Variants in DAB1 observed in about 807,000 individuals in gnomAD.
The protein encoded by DAB1 is DAB adaptor protein 1.
In DAB1, 15 loss-of-function variants were observed where a neutral mutation model predicts 64.6. That is an observed-to-expected ratio of 0.23 (90% CI 0.16 to 0.36). The LOEUF is 0.36. DAB1 is among the 10% of genes least tolerant of loss of function. DAB1 has a pLI of 1.00. For missense variants in DAB1, 596 were observed against 706.7 expected, an observed-to-expected ratio of 0.84 and a Z score of 1.78; for synonymous variants, 235 against 251.9, an observed-to-expected ratio of 0.93 and a Z score of 0.64.
chr1:57,277,863 C>G (rs1671592754), intron 2 of DAB1, among the ~76,000 whole-genome samples: 1 of 152,162 alleles, frequency 6.6e-6, no homozygotes, highest in Non-Finnish European at 1.5e-5. Flanking sequence ...TGGGCTTCTT[C>G]CAGTGCAAGT....
intron 3 of DAB1, among the ~76,000 whole-genome samples, chr1:58,428,365 G>A (rs1043056327): frequency 6.6e-5 from 10 of 152,154 alleles, no homozygotes; most frequent in African/African-American, 2.2e-4. Flanking sequence ...CATGTTTAAA[G>A]ACACTAGGTG....
intron 7 of DAB1, among the ~76,000 whole-genome samples, chr1:57,474,811 T>C (rs1175026568): frequency 6.6e-6 from 1 of 152,182 alleles, no homozygotes. Context: ...CTAAGAAGTA[T>C]TATAATATAA....
Position 57,739,511 on chromosome 1 carries a change from A to G in DAB1, n.552-89846T>C, listed in dbSNP as rs573032231. ...CCCCAGGCTGGAGTGCAATGATGCA[A>G]TCTCAACTCACTGCAACCTCCCCCT... On this transcript the variant is annotated intron_variant and non_coding_transcript_variant, in intron 6 of 20. Transcript: ENST00000485760. 5.2e-5 allele frequency among the ~76,000 whole-genome samples: 6 copies of G among 115,406 alleles called. No homozygotes were observed. The East Asian group carries it at 1.8e-3, about 34-fold the overall frequency. 75.7% of individuals were successfully genotyped at this position (115,406 alleles called of 152,430 possible).
chr1:57,203,139 C>G (rs953594630), intron 2 of DAB1, among the ~76,000 whole-genome samples: 7 of 152,166 alleles, frequency 4.6e-5, no homozygotes, highest in African/African-American at 1.7e-4. Flanking sequence ...AAAAACAGCA[C>G]CATTTCTCTT....
chr1:57,294,129 A>G (rs1469243796), intron 1 of DAB1, among the ~76,000 whole-genome samples: 8 of 152,208 alleles, frequency 5.3e-5, no homozygotes, highest in Non-Finnish European at 1.2e-4. Flanking sequence ...TTTGTAATTA[A>G]GGAGATTAAA....
chr1:57,249,405 C>T (rs1669149653), intron 2 of DAB1, among the ~76,000 whole-genome samples: 1 of 152,138 alleles, frequency 6.6e-6, no homozygotes, highest in East Asian at 1.9e-4. Flanking sequence ...AGGTCTCACT[C>T]CATCACCCAG....
At position 57,991,766 on chromosome 1, in the gene DAB1, A is replaced by G. The variant is rs563885066; in HGVS notation, n.388-107604T>C. ...GAGGCTGAGGCAAGAGAATCACTTG[A>G]ACCTGAGAGGCGAAGGCTGCAGTGA... On this transcript the variant is annotated intron_variant and non_coding_transcript_variant, in intron 5 of 20. Transcript: ENST00000485760. 3.5e-4 allele frequency among the ~76,000 whole-genome samples: 50 copies of G among 144,606 alleles called. No individual in the cohort carries two copies. In the South Asian group the frequency reaches 0.011, roughly 33 times the overall value. 94.9% of individuals were successfully genotyped at this position (144,606 alleles called of 152,430 possible).
chr1:58,214,844 G>A (rs954817786), intron 4 of DAB1, among the ~76,000 whole-genome samples: 18 of 152,174 alleles, frequency 1.2e-4, no homozygotes, highest in African/African-American at 4.1e-4. Context: ...CTTGGGGCAG[G>A]CCACTGTGGC....
At chr1:57,255,028 C>A (rs950344760) in intron 2 of DAB1, among the ~76,000 whole-genome samples, 1 of 151,952 alleles carries the variant, frequency 6.6e-6, no homozygotes, top group Non-Finnish European at 1.5e-5. Flanking sequence ...AGTGTTGAAT[C>A]CCCAACATTC....
chr1:57,252,680 T>C (rs1314494730), intron 2 of DAB1, among the ~76,000 whole-genome samples: 1 of 152,096 alleles, frequency 6.6e-6, no homozygotes, highest in East Asian at 1.9e-4. Flanking sequence ...TAAATATAGA[T>C]GATTTGGTCA....
chr1:58,164,925 T>C (rs1430218963), intron 4 of DAB1, among the ~76,000 whole-genome samples: 2 of 152,200 alleles, frequency 1.3e-5, no homozygotes, highest in African/African-American at 4.8e-5. Flanking sequence ...TAGATGTATT[T>C]CATTTGGCTA....
At chr1:58,417,394 T>C (rs1644731047) in intron 3 of DAB1, among the ~76,000 whole-genome samples, 1 of 152,220 alleles carries the variant, frequency 6.6e-6, no homozygotes, top group South Asian at 2.1e-4. Flanking sequence ...TTTTCTGTCA[T>C]CATGTCACAA....
intron 4 of DAB1, among the ~76,000 whole-genome samples, chr1:58,269,353 T>C (rs1356993732): frequency 1.3e-5 from 2 of 151,054 alleles, no homozygotes; most frequent in Admixed American, 6.6e-5. Context: ...CTCATCATTT[T>C]TTATGGCTGC....
At chr1:57,190,481 G>A (rs1336384030) in intron 2 of DAB1, among the ~76,000 whole-genome samples, 1 of 151,142 alleles carries the variant, frequency 6.6e-6, no homozygotes, top group Non-Finnish European at 1.5e-5. Flanking sequence ...GATAGAGCCA[G>A]GATCAGAATC....
At chr1:57,676,082 T>A (rs1212240172) in intron 6 of DAB1, among the ~76,000 whole-genome samples, 1 of 152,116 alleles carries the variant, frequency 6.6e-6, no homozygotes, top group Non-Finnish European at 1.5e-5. Flanking sequence ...ATTTAAGGAA[T>A]GAAGTGGAGC....
chr1:57,403,006 G>T lies in DAB1; in HGVS notation c.-137+20924C>A, dbSNP rs3850555. On this transcript the variant is annotated intron_variant, in intron 1 of 14. Coordinates refer to ENST00000371236, the MANE Select transcript of DAB1 (RefSeq NM_001365792.1). Reference sequence around the variant, plus strand: ...ACCCAAGAAGGCTTCAAAGATACAGGTCAGATTATTCAACTGTTATAAACC... The same window carrying T: ...ACCCAAGAAGGCTTCAAAGATACAGTTCAGATTATTCAACTGTTATAAACC... Among the ~76,000 whole-genome samples, 187 of 152,258 alleles carry T rather than the reference G, an allele frequency of 1.2e-3. 2 individuals carry two copies. Among genetic ancestry groups the T allele is most frequent in the African/African-American group, 4.2e-3 (174 of 41,540 alleles).
intron 9 of DAB1, among the ~76,000 whole-genome samples, chr1:57,027,781 C>T (rs140752044): frequency 8.0e-4 from 122 of 152,318 alleles, no homozygotes; most frequent in African/African-American, 2.8e-3. Context: ...ACTTGCAGCT[C>T]TTCCTTCCCT....
Position 58,250,990 on chromosome 1 carries a change from C to T in DAB1, n.309+92362G>A, listed in dbSNP as rs552381450. On this transcript the variant is annotated intron_variant and non_coding_transcript_variant, in intron 4 of 20. Transcript: ENST00000485760. ...ATGCACACCCCACAATCAAGTGTGT[C>T]GGCACTGAAGCAGGCAGACCAGGGT... Among the ~76,000 whole-genome samples the T allele has an allele frequency of 2.0e-5, 3 of 152,292 alleles. No individual in the cohort carries two copies. In the East Asian group the frequency reaches 5.8e-4, roughly 29 times the overall value.
At chr1:57,375,541 A>G (rs1294979392) in intron 1 of DAB1, among the ~76,000 whole-genome samples, 2 of 152,222 alleles carry the variant, frequency 1.3e-5, no homozygotes, top group East Asian at 1.9e-4. Context: ...AGCCTGGGAC[A>G]CAGAAATATA....
Sources: allele counts gnomAD v4.1 joint callset (sites outside exome capture counted in the v4.1 genomes callset), GRCh38; gene constraint gnomAD v4.1.1; transcripts MANE v1.5; gene names NCBI Gene and HGNC (gene_info 2026-07-23, HGNC 2026-07-21).